The following THSD7B variants were observed in gnomAD, a reference collection of about 807,000 sequenced individuals.
THSD7B encodes thrombospondin type-1 domain-containing protein 7B.
A neutral mutation model predicts 213.6 loss-of-function variants in THSD7B; 138 were observed. That is an observed-to-expected ratio of 0.65 (90% confidence interval 0.56 to 0.74). The LOEUF is 0.74. Ranked by LOEUF, THSD7B falls within the 30% of genes least tolerant of loss-of-function variation. The pLI, the probability that THSD7B is intolerant of heterozygous loss-of-function variation, is 0.00. For synonymous variants in THSD7B, 742 were observed against 687.0 expected, an observed-to-expected ratio of 1.08 and a Z score of -1.25; for missense variants, 1,931 against 1,991.5, an observed-to-expected ratio of 0.97 and a Z score of 0.58.
At chr2:137,196,080 G>A (rs1012703896) in intron 7 of THSD7B, among the ~76,000 whole-genome samples, 1 of 152,164 alleles carries the variant, frequency 6.6e-6, no homozygotes, top group Non-Finnish European at 1.5e-5. Context: ...TAGACAACAG[G>A]GTGAAAAAGT....
At chr2:136,828,271 G>T (rs1682692319) in intron 1 of THSD7B, among the ~76,000 whole-genome samples, 1 of 151,942 alleles carries the variant, frequency 6.6e-6, no homozygotes, top group Non-Finnish European at 1.5e-5. Context: ...CTCAGTTAAT[G>T]GCACTATCAT....
rs565723625 is a variant in THSD7B, at chr2:137,436,313, A to G, written c.2960-14532A>G. 2.6e-5 allele frequency among the ~76,000 whole-genome samples: 4 copies of G among 152,258 alleles called. No homozygotes were observed. In the South Asian group the frequency reaches 6.2e-4, roughly 24 times the overall value. On this transcript the variant is annotated intron_variant, in intron 14 of 27. Transcript: ENST00000409968. ...TCTTTATTAACTAATTTATTCTTAT[A>G]TCAATAGTATCAGTTAGATATTATC...
intron 2 of THSD7B, among the ~76,000 whole-genome samples, chr2:137,048,372 T>G (rs79109019): frequency 6.0e-4 from 91 of 152,268 alleles, no homozygotes; most frequent in African/African-American, 2.2e-3. Flanking sequence ...AAAAATGAGA[T>G]GCACTAAATG....
intron 17 of THSD7B, among the ~76,000 whole-genome samples, chr2:137,592,367 T>G (rs1188640883): frequency 6.6e-6 from 1 of 151,564 alleles, no homozygotes; most frequent in African/African-American, 2.4e-5. Context: ...CATATATTAT[T>G]TGTAAATATC....
intron 2 of THSD7B, among the ~76,000 whole-genome samples, chr2:136,982,313 A>AC (rs1553462290): frequency 2.4e-5 from 2 of 83,268 alleles, no homozygotes; most frequent in Non-Finnish European, 4.8e-5. Flanking sequence ...ATGTGAGCAA[A>AC]TTGTACTTTT....
chr2:137,172,174 T>C (rs1487398326), intron 7 of THSD7B, among the ~76,000 whole-genome samples: 1 of 152,218 alleles, frequency 6.6e-6, no homozygotes, highest in African/African-American at 2.4e-5. Flanking sequence ...TTTCCTGAGA[T>C]ACAGGGGTGC....
intron 10 of THSD7B, among the ~76,000 whole-genome samples, chr2:137,252,131 G>A (rs967389336): frequency 6.6e-6 from 1 of 151,866 alleles, no homozygotes; most frequent in East Asian, 1.9e-4. Flanking sequence ...GCCAGATGTG[G>A]TAGCACATGC....
intron 14 of THSD7B, among the ~76,000 whole-genome samples, chr2:137,420,003 T>A (rs1234082891): frequency 6.6e-6 from 1 of 152,112 alleles, no homozygotes; most frequent in Non-Finnish European, 1.5e-5. Flanking sequence ...CTATTTTTAG[T>A]TTTTTAAGGA....
At chr2:137,203,708 G>A (rs1247581964) in intron 7 of THSD7B, among the ~76,000 whole-genome samples, 2 of 152,044 alleles carry the variant, frequency 1.3e-5, no homozygotes. Flanking sequence ...GGAATGAAGG[G>A]TGTGTTTGTG....
At chr2:137,635,244 T>C (rs980111275) in intron 20 of THSD7B, among the ~76,000 whole-genome samples, 18 of 152,212 alleles carry the variant, frequency 1.2e-4, no homozygotes, top group Non-Finnish European at 2.5e-4. Context: ...TCAACTTCTG[T>C]TCCTTCATCT....
At chr2:136,790,109 G>T (rs1681940226) in intron 1 of THSD7B, among the ~76,000 whole-genome samples, 1 of 147,974 alleles carries the variant, frequency 6.8e-6, no homozygotes, top group East Asian at 1.9e-4. Context: ...TTCCTGGTTT[G>T]TGTGTGTGTT....
chr2:137,003,248 C>T (rs571830756), intron 2 of THSD7B, among the ~76,000 whole-genome samples: 1 of 152,314 alleles, frequency 6.6e-6, no homozygotes, highest in East Asian at 1.9e-4. Context: ...TTGATTGTCT[C>T]AGAGTCCTGC....
intron 1 of THSD7B, among the ~76,000 whole-genome samples, chr2:136,777,806 G>A (rs1681642945): frequency 6.6e-6 from 1 of 152,156 alleles, no homozygotes. Flanking sequence ...AGGTAAAAGG[G>A]AAAATTAATT....
chr2:137,212,273 A>G (rs1178939305), intron 7 of THSD7B, among the ~76,000 whole-genome samples: 1 of 151,976 alleles, frequency 6.6e-6, no homozygotes, highest in Non-Finnish European at 1.5e-5. Context: ...TCCTAAATTC[A>G]TTTTGTAATG....
chr2:137,340,362 A>T (rs1367463297), intron 12 of THSD7B, among the ~76,000 whole-genome samples: 1 of 151,944 alleles, frequency 6.6e-6, no homozygotes, highest in Non-Finnish European at 1.5e-5. Context: ...TAAATTGTAC[A>T]AAGTGATGTT....
chr2:137,410,364 G>A (rs946800196), intron 13 of THSD7B, among the ~76,000 whole-genome samples: 2 of 151,930 alleles, frequency 1.3e-5, no homozygotes, highest in African/African-American at 4.8e-5. Flanking sequence ...CACCTCCTCA[G>A]TTCAAGTGAT....
At chr2:137,533,342 C>T (rs111270308) in intron 15 of THSD7B, among the ~76,000 whole-genome samples, 4 of 151,770 alleles carry the variant, frequency 2.6e-5, no homozygotes, top group African/African-American at 7.3e-5. Context: ...GGTTAAATCT[C>T]TCCTCTCTAT....
At chr2:137,148,761 G>A (rs1282384991) in intron 5 of THSD7B, among the ~76,000 whole-genome samples, 1 of 152,112 alleles carries the variant, frequency 6.6e-6, no homozygotes, top group African/African-American at 2.4e-5. Context: ...GATGATTTAG[G>A]TTATCTAGTG....
In THSD7B at chr2:136,855,602, A is replaced by G. The variant is rs903758426; in HGVS notation, c.-35-26542A>G. ...CACCGCATCCGGCTATTATTTATTTATTATTTATTTATTTATTTATTTATT... is the reference window on the plus strand; with the variant it reads ...CACCGCATCCGGCTATTATTTATTTGTTATTTATTTATTTATTTATTTATT... On this transcript the variant is annotated intron_variant, in intron 1 of 27. Transcript: ENST00000409968. 1.6e-4 allele frequency among the ~76,000 whole-genome samples: 3 copies of G among 19,344 alleles called. No individual in the cohort carries two copies. In the East Asian group the frequency reaches 8.7e-3, roughly 56 times the overall value. The allele number at this position is 19,344 out of a possible 152,430, so 12.7% of individuals were successfully genotyped here.
Sources: allele counts gnomAD v4.1 joint callset (sites outside exome capture counted in the v4.1 genomes callset), GRCh38; gene constraint gnomAD v4.1.1; transcripts MANE v1.5; gene names NCBI Gene and HGNC (gene_info 2026-07-23, HGNC 2026-07-21).